Variants in DDRGK1 observed in about 807,000 individuals in gnomAD.
DDRGK1 encodes DDRGK domain containing 1.
A neutral mutation model predicts 45.8 loss-of-function variants in DDRGK1; 38 were observed. The ratio of observed to expected loss-of-function variants is 0.83; its 90% CI spans 0.64 to 1.09. The LOEUF (loss-of-function observed/expected upper bound fraction) is 1.09, where lower values mean the gene tolerates loss of function less well. DDRGK1 is among the 50% of genes least tolerant of loss of function. The pLI is 0.00. For synonymous variants in DDRGK1, 171 were observed against 168.7 expected, an observed-to-expected ratio of 1.01 and a Z score of -0.11; for missense variants, 403 against 419.9, an observed-to-expected ratio of 0.96 and a Z score of 0.35.
chr20:3,195,201 A>G (rs367901525), intron 5 of DDRGK1, 30 bp downstream of exon 5: 13 of 1,613,912 alleles, frequency 8.1e-6, no homozygotes, highest in Non-Finnish European at 1.1e-5. Flanking sequence ...ATGGGTGCAG[A>G]GAGGGGCTTC....
chr20:3,191,401 C>A, intron 7 of DDRGK1, 163 bp from the exon 8 acceptor site: 1 of 777,804 alleles, frequency 1.3e-6, no homozygotes, highest in Non-Finnish European at 2.1e-6. Context: ...GTAGAAGGGG[C>A]TCTGGTCCTG....
chr20:3,202,088 T>C (rs1487881168), intron 2 of DDRGK1, among the ~76,000 whole-genome samples: 2 of 151,940 alleles, frequency 1.3e-5, no homozygotes, highest in Non-Finnish European at 2.9e-5. Context: ...CATGGCATTC[T>C]CCTGCCTCAG....
chr20:3,196,358 T>C (rs1190819978), intron 4 of DDRGK1, among the ~76,000 whole-genome samples: 2 of 152,088 alleles, frequency 1.3e-5, no homozygotes, highest in Non-Finnish European at 2.9e-5. Flanking sequence ...CCCAACACAT[T>C]TTCCAGAGCA....
At chr20:3,201,020 GAAT>G (rs1467606794) in intron 2 of DDRGK1, among the ~76,000 whole-genome samples, 1 of 152,138 alleles carries the variant, frequency 6.6e-6, no homozygotes, top group Non-Finnish European at 1.5e-5. Context: ...TGAGGCAGGA[GAAT>G]AATGTGAACC....
chr20:3,191,984 C>CACAA (rs1223162691), intron 6 of DDRGK1, among the ~76,000 whole-genome samples, 163 bp from the exon 7 acceptor site: 1 of 150,814 alleles, frequency 6.6e-6, no homozygotes, highest in African/African-American at 2.4e-5. Context: ...CACACACACA[C>CACAA]ACACACACAC....
intron 2 of DDRGK1, among the ~76,000 whole-genome samples, chr20:3,202,565 G>A (rs1450675928): frequency 6.6e-6 from 1 of 152,224 alleles, no homozygotes; most frequent in East Asian, 1.9e-4. Flanking sequence ...TGATGCCTGT[G>A]CAGCAAGGGT....
At chr20:3,191,521 T>C (rs2122227724) in intron 7 of DDRGK1, 1 of 704,954 alleles carries the variant, frequency 1.4e-6, no homozygotes. Flanking sequence ...GGTAACTGAT[T>C]TGGGCTGCTT....
chr20:3,201,630 G>A (rs1377508148), intron 2 of DDRGK1, among the ~76,000 whole-genome samples: 2 of 152,012 alleles, frequency 1.3e-5, no homozygotes, highest in Non-Finnish European at 2.9e-5. Context: ...ACAGCATAGG[G>A]GAGGCATTAG....
rs753485446 is a variant in DDRGK1, at chr20:3,204,622, C to T, written c.6G>A (p.Val2=). 5.0e-6 allele frequency: 8 copies of T among 1,585,528 alleles called. No homozygotes were observed. Among genetic ancestry groups the T allele is most frequent in the Non-Finnish European group, 6.8e-6 (8 of 1,169,976 alleles). The change falls in exon 1 of 9, where the codon GTG becomes GTA. Residue 2 remains valine, a synonymous_variant. Transcript: ENST00000354488. M[V]APVWYLVAAA... is the part of the protein sequence containing the mutation. The stretch of plus-strand genomic sequence containing the variant: ...CCGCTACCAAGTACCACACAGGCGC[C>T]ACCATGACGAGGGCCTCAGTGCAGA...
intron 4 of DDRGK1, among the ~76,000 whole-genome samples, chr20:3,198,303 A>C (rs6051636): frequency 0.67 from 99,769 of 149,888 alleles, 33,682 homozygotes; most frequent in African/African-American, 0.75. Context: ...ACTCGGGAGA[A>C]TGAGGCAGGA....
At chr20:3,194,331 G>A (rs1353606530) in intron 6 of DDRGK1, among the ~76,000 whole-genome samples, 1 of 152,210 alleles carries the variant, frequency 6.6e-6, no homozygotes, top group African/African-American at 2.4e-5. Flanking sequence ...ATGCAACCTG[G>A]AGCAGCATCG....
intron 4 of DDRGK1, 30 bp from the exon 5 acceptor site, chr20:3,195,383 T>C: frequency 6.4e-7 from 1 of 1,568,840 alleles, no homozygotes. Flanking sequence ...AAGTCAGGTA[T>C]CGGGGGCAGA....
Position 3,194,238 on chromosome 20 carries a change from A to G in DDRGK1, c.672+592T>C, listed in dbSNP as rs368469013. Among the ~76,000 whole-genome samples the G allele has an allele frequency of 9.2e-5, 14 of 152,058 alleles. No homozygotes were observed. The East Asian group carries it at 1.4e-3, about 15-fold the overall frequency. On this transcript the variant is annotated intron_variant, in intron 6 of 8. Coordinates refer to ENST00000354488, the MANE Select transcript of DDRGK1 (RefSeq NM_023935.3). ...TCCCTCAGCCGCCTCTGCACCTCTGAGTTGCACTTGAAAACCTCTCCCCTC... is the reference window on the plus strand; with the variant it reads ...TCCCTCAGCCGCCTCTGCACCTCTGGGTTGCACTTGAAAACCTCTCCCCTC...
At chr20:3,197,269 T>C (rs1045651153) in intron 4 of DDRGK1, among the ~76,000 whole-genome samples, 1 of 144,190 alleles carries the variant, frequency 6.9e-6, no homozygotes, top group East Asian at 2.0e-4. Context: ...ATTTAATGAA[T>C]AGGGAAGGAG....
intron 6 of DDRGK1, among the ~76,000 whole-genome samples, chr20:3,194,206 C>T (rs1213118779): frequency 6.6e-6 from 1 of 152,172 alleles, no homozygotes; most frequent in African/African-American, 2.4e-5. Flanking sequence ...GCTCCCTCTG[C>T]ACTCCTTCCC....
intron 4 of DDRGK1, among the ~76,000 whole-genome samples, chr20:3,197,587 C>A (rs1439735324): frequency 1.3e-5 from 2 of 152,132 alleles, no homozygotes; most frequent in African/African-American, 2.4e-5. Context: ...AAAACATCAA[C>A]CAAACTCAAA....
chr20:3,196,529 A>AAT, intron 4 of DDRGK1, among the ~76,000 whole-genome samples: 1 of 149,224 alleles, frequency 6.7e-6, no homozygotes, highest in African/African-American at 2.5e-5. Flanking sequence ...TACAAAAAAA[A>AAT]AATTAGCCGG....
At chr20:3,203,030 TA>T (rs972229231) in intron 2 of DDRGK1, among the ~76,000 whole-genome samples, 182 bp downstream of exon 2, 30 of 152,074 alleles carry the variant, frequency 2.0e-4, no homozygotes, top group African/African-American at 6.0e-4. Context: ...AAGATGAAGG[TA>T]GGGGGGGTTG....
Position 3,200,446 on chromosome 20 carries a change from C to A in DDRGK1, c.304G>T (p.Glu102Ter), listed in dbSNP as rs769163288. 6 of 1,572,042 alleles carry A rather than the reference C, an allele frequency of 3.8e-6. No homozygotes were observed. The South Asian group carries it at 7.0e-5, about 18-fold the overall frequency. ...EEEAVILAQE[E>*]EGVEKPAETH... ...TCCGCTGGCTTCTCGACACCTTCCT[C>A]CTCCTGGGCTGGGTATGGTCAAAGA... is the stretch of plus-strand genomic sequence containing the variant. The change falls in exon 3 of 9, where the codon GAG (glutamate) becomes TAG (stop). Residue 102 changes from glutamate (E) to a stop codon, truncating the protein, a stop_gained. Transcript: ENST00000354488. LOFTEE classifies it high-confidence loss of function.
Sources: gnomAD v4.1 joint callset for allele counts (sites outside exome capture counted in the v4.1 genomes callset) on GRCh38, gnomAD v4.1.1 for gene constraint, MANE v1.5 for transcripts, NCBI Gene and HGNC (gene_info 2026-07-23, HGNC 2026-07-21) for gene names.